Variants in NDST3 observed in about 807,000 individuals in gnomAD.
NDST3 encodes bifunctional heparan sulfate N-deacetylase/N-sulfotransferase 3.
Under a neutral mutation model 96.1 loss-of-function variants are expected in NDST3, and 58 were observed. The observed-to-expected ratio is 0.60, with a 90% CI of 0.49 to 0.75. The LOEUF (loss-of-function observed/expected upper bound fraction) is 0.75. NDST3 is among the 30% of genes least tolerant of loss of function. NDST3 has a pLI of 0.00. For synonymous variants in NDST3, 333 were observed against 359.7 expected (o/e 0.93, Z 0.84); for missense variants, 788 against 1,034.2 (o/e 0.76, Z 3.27).
rs569346452 is a variant in NDST3 at position 118,119,946 on chromosome 4, C to A, written c.1224+4986C>A. ...TTGGTAGATATTTTTCGTTATCATTCCAGAAGATAATCAGTCAGTCTTAAG... is the reference window on the plus strand; with the variant it reads ...TTGGTAGATATTTTTCGTTATCATTACAGAAGATAATCAGTCAGTCTTAAG... On this transcript the variant is annotated intron_variant, in intron 4 of 13. Coordinates refer to ENST00000296499, the MANE Select transcript of NDST3 (RefSeq NM_004784.3). Among the ~76,000 whole-genome samples, 6 of 152,032 alleles carry A rather than the reference C, an allele frequency of 3.9e-5. No individual in the cohort carries two copies. In the East Asian group the frequency reaches 7.7e-4, roughly 20 times the overall value.
intron 6 of NDST3, among the ~76,000 whole-genome samples, chr4:118,147,098 G>C (rs985806703): frequency 6.6e-6 from 1 of 152,272 alleles, no homozygotes; most frequent in African/African-American, 2.4e-5. Flanking sequence ...GACAGTAATT[G>C]AAGAGTATTT....
chr4:118,066,218 A>T lies in NDST3; in HGVS notation c.981+11327A>T, dbSNP rs1243417320. ...ATATTATATTTTATATATTATACAT[A>T]ATATATTATATATATTATATATTAT... On this transcript the variant is annotated intron_variant, in intron 2 of 13. Transcript: ENST00000296499. Among the ~76,000 whole-genome samples, 5 of 62,858 alleles carry T rather than the reference A, an allele frequency of 8.0e-5. 1 individual carries two copies. The highest frequency in any genetic ancestry group is 4.4e-4 in the South Asian group (1 of 2,296). 41.2% of individuals were successfully genotyped at this position (62,858 alleles called of 152,430 possible).
In NDST3 at chr4:118,257,439, C is replaced by T. The variant is rs1742184254; in HGVS notation, c.*1727C>T. 6.6e-6 allele frequency: 1 copy of T among 152,064 alleles called. No individual in the cohort carries two copies. Among genetic ancestry groups the T allele is most frequent in the Non-Finnish European group, 1.5e-5 (1 of 68,020 alleles). The allele number at this position is 152,064 out of a possible 1,614,324, so 9.4% of individuals were successfully genotyped here. ...AGCGTGAGCCACCATGCCCTGACTA[C>T]TTAATTTTTAAATGTACTGTACATA... On this transcript the variant is annotated 3_prime_UTR_variant, in exon 14 of 14. Transcript: ENST00000296499.
chr4:118,161,263 G>T (rs573248344), intron 6 of NDST3, among the ~76,000 whole-genome samples: 1 of 152,318 alleles, frequency 6.6e-6, no homozygotes, highest in Non-Finnish European at 1.5e-5. Context: ...GGCCGTGTGA[G>T]GTGTCAGTCT....
intron 2 of NDST3, among the ~76,000 whole-genome samples, chr4:118,097,856 GTTCCCATTCAA>G (rs1729469431): frequency 2.0e-5 from 3 of 151,304 alleles, no homozygotes; most frequent in African/African-American, 7.3e-5. Flanking sequence ...ATTCATTCAT[GTTCCCATTCAA>G]TAAATACTTA....
Position 118,240,638 on chromosome 4 carries a change from C to T in NDST3, c.2233C>T (p.Pro745Ser). ...LRALQKRCLV[P>S]GWYASHIERW... ...AGCCTTGCAGAAGAGATGTTTGGTC[C>T]CGGGGTGGTATGCCAGCCACATCGA... The change falls in exon 11 of 14, where the codon CCG (proline) becomes TCG (serine). Residue 745 changes from proline (P) to serine (S), a missense_variant. Transcript: ENST00000296499. 6.2e-7 allele frequency: 1 copy of T among 1,613,826 alleles called. No individual in the cohort carries two copies. The highest frequency in any genetic ancestry group is 8.5e-7 in the Non-Finnish European group (1 of 1,179,900).
chr4:118,220,262 G>T (rs1407228178), intron 6 of NDST3, among the ~76,000 whole-genome samples: 1 of 151,870 alleles, frequency 6.6e-6, no homozygotes. Context: ...TAAACCATGG[G>T]ATACTATACA....
intron 2 of NDST3, among the ~76,000 whole-genome samples, chr4:118,058,837 C>A (rs923569774): frequency 6.6e-6 from 1 of 152,108 alleles, no homozygotes; most frequent in Non-Finnish European, 1.5e-5. Flanking sequence ...GAAAGCACTT[C>A]ATGACCCAGT....
intron 1 of NDST3, among the ~76,000 whole-genome samples, chr4:118,036,759 G>C (rs898961316): frequency 1.3e-5 from 2 of 151,786 alleles, no homozygotes; most frequent in Non-Finnish European, 2.9e-5. Context: ...CATTTTCATC[G>C]ATTTCATGTA....
rs115498041 is a variant in NDST3, at chr4:118,234,243, C to G, written c.1943+1108C>G. ...CCTGGGCAACATAGCAAGACCCCAT[C>G]TCTAACAAAAATACAAGAATTAGCC... On this transcript the variant is annotated intron_variant, in intron 9 of 13. Transcript: ENST00000296499. Among the ~76,000 whole-genome samples the G allele has an allele frequency of 3.9e-5, 6 of 152,096 alleles. No individual in the cohort carries two copies. In the East Asian group the frequency reaches 1.2e-3, roughly 29 times the overall value.
chr4:118,176,757 C>G (rs981213592), intron 6 of NDST3, among the ~76,000 whole-genome samples: 1 of 151,952 alleles, frequency 6.6e-6, no homozygotes, highest in African/African-American at 2.4e-5. Context: ...AAGCCATAAC[C>G]CTTTCTCTTA....
At chr4:118,234,944 C>T (rs1457484540) in intron 9 of NDST3, among the ~76,000 whole-genome samples, 1 of 151,530 alleles carries the variant, frequency 6.6e-6, no homozygotes, top group Admixed American at 6.6e-5. Context: ...GCAGGAGAAT[C>T]ACTTGAACCT....
chr4:118,148,308 C>T (rs990986120), intron 6 of NDST3, among the ~76,000 whole-genome samples: 10 of 151,994 alleles, frequency 6.6e-5, no homozygotes, highest in African/African-American at 1.4e-4. Flanking sequence ...AAAAAAAATG[C>T]GCGCCAATAC....
At chr4:118,217,970 A>C (rs1739294852) in intron 6 of NDST3, among the ~76,000 whole-genome samples, 1 of 152,154 alleles carries the variant, frequency 6.6e-6, no homozygotes, top group South Asian at 2.1e-4. Flanking sequence ...TCCTGGACAC[A>C]TATACCCTCC....
chr4:118,143,419 G>C (rs1733705920), intron 5 of NDST3, 137 bp from the exon 6 acceptor site: 2 of 777,962 alleles, frequency 2.6e-6, no homozygotes, highest in African/African-American at 1.8e-5. Context: ...CCTAGAGTAT[G>C]ATAGATTGTC....
chr4:118,189,432 C>A (rs1287648119), intron 6 of NDST3, among the ~76,000 whole-genome samples: 1 of 152,118 alleles, frequency 6.6e-6, no homozygotes, highest in African/African-American at 2.4e-5. Flanking sequence ...CTATTTATGT[C>A]TTTTTTGGAT....
chr4:118,222,399 G>GA (rs33971782), intron 6 of NDST3, among the ~76,000 whole-genome samples: 10 of 148,350 alleles, frequency 6.7e-5, no homozygotes, highest in East Asian at 2.0e-4. Flanking sequence ...TGTGATTCAT[G>GA]AAAAAAAAAA....
intron 2 of NDST3, among the ~76,000 whole-genome samples, chr4:118,062,872 C>T (rs1489376365): frequency 6.6e-6 from 1 of 152,018 alleles, no homozygotes; most frequent in Admixed American, 6.6e-5. Context: ...AAACAGGATA[C>T]TTGGTGACTG....
At chr4:118,138,294 T>A in intron 5 of NDST3, 55 bp downstream of exon 5, 2 of 1,443,572 alleles carry the variant, frequency 1.4e-6, no homozygotes, top group Non-Finnish European at 1.9e-6. Context: ...ATTTCATTCC[T>A]CACTTGAAGA....
Sources: allele counts gnomAD v4.1 joint callset (sites outside exome capture counted in the v4.1 genomes callset), GRCh38; gene constraint gnomAD v4.1.1; transcripts MANE v1.5; gene names NCBI Gene and HGNC (gene_info 2026-07-23, HGNC 2026-07-21).